Variants in ACBD6 observed in about 807,000 individuals in gnomAD.
ACBD6 encodes the protein acyl-CoA-binding domain-containing protein 6.
A neutral mutation model predicts 37.2 loss-of-function variants in ACBD6; 28 were observed. The observed-to-expected ratio is 0.75, with a 90% CI of 0.56 to 1.03. ACBD6 has a LOEUF of 1.03. Among genes scored for constraint, ACBD6 ranks in the 50% least tolerant of loss-of-function variants. ACBD6 has a pLI of 0.00. For missense variants in ACBD6, 340 were observed against 337.4 expected, an observed-to-expected ratio of 1.01 and a Z score of -0.06; for synonymous variants, 113 against 126.8, an observed-to-expected ratio of 0.89 and a Z score of 0.73.
At chr1:180,355,246 G>T (rs1421700594) in intron 6 of ACBD6, among the ~76,000 whole-genome samples, 1 of 152,144 alleles carries the variant, frequency 6.6e-6, no homozygotes, top group Non-Finnish European at 1.5e-5. Flanking sequence ...ATTTGTAAGT[G>T]GCAGAGTCAG....
intron 6 of ACBD6, among the ~76,000 whole-genome samples, chr1:180,385,651 C>T (rs572393842): frequency 1.1e-4 from 16 of 152,008 alleles, no homozygotes; most frequent in African/African-American, 3.9e-4. Flanking sequence ...GAGATCTCTC[C>T]ATATATGAGC....
intron 6 of ACBD6, among the ~76,000 whole-genome samples, chr1:180,333,942 C>A (rs1223197224): frequency 1.3e-5 from 2 of 152,364 alleles, no homozygotes; most frequent in East Asian, 3.9e-4. Flanking sequence ...TGAGATCAAA[C>A]TGCAAGGCGG....
intron 6 of ACBD6, among the ~76,000 whole-genome samples, chr1:180,353,623 A>T (rs527328408): frequency 6.6e-6 from 1 of 151,928 alleles, no homozygotes. Context: ...GGAGAAATAT[A>T]TTTTAAAATT....
At chr1:180,445,042 G>GA (rs1324413611) in intron 3 of ACBD6, among the ~76,000 whole-genome samples, 3 of 152,134 alleles carry the variant, frequency 2.0e-5, no homozygotes, top group Non-Finnish European at 4.4e-5. Flanking sequence ...AGAATGCTGG[G>GA]AAAATTAATC....
At chr1:180,356,714 G>A (rs532409234) in intron 6 of ACBD6, among the ~76,000 whole-genome samples, 1 of 151,784 alleles carries the variant, frequency 6.6e-6, no homozygotes, top group Non-Finnish European at 1.5e-5. Context: ...CCAGGTTGTG[G>A]TGGTGTGTGC....
At position 180,321,257 on chromosome 1, in the gene ACBD6, T is replaced by C. The variant is rs56209218; in HGVS notation, c.664-6535A>G. The stretch of plus-strand genomic sequence containing the variant: ...CCAGTTTTGTTCTTTTTGCTCAGCA[T>C]AGCTTTGGCTATACTGGGTCTTTTG... On this transcript the variant is annotated intron_variant, in intron 6 of 7. Transcript: ENST00000367595. 4.4e-3 allele frequency among the ~76,000 whole-genome samples: 670 copies of C among 152,328 alleles called. 2 individuals are homozygous for C. Among genetic ancestry groups the C allele is most frequent in the Non-Finnish European group, 7.3e-3 (499 of 68,002 alleles).
chr1:180,288,062 A>G (rs1649560567), downstream of ACBD6, among the ~76,000 whole-genome samples: 3 of 152,334 alleles, frequency 2.0e-5, no homozygotes, highest in African/African-American at 2.4e-5. Context: ...CATGTTTAAT[A>G]TTGTGAAATA....
At chr1:180,431,532 A>T (rs1648812000) in intron 3 of ACBD6, among the ~76,000 whole-genome samples, 2 of 152,212 alleles carry the variant, frequency 1.3e-5, no homozygotes, top group Non-Finnish European at 2.9e-5. Flanking sequence ...ACCAAAAAAA[A>T]GTAGAGATGA....
chr1:180,292,424 T>C (rs1359754383), intron 7 of ACBD6, among the ~76,000 whole-genome samples: 1 of 152,230 alleles, frequency 6.6e-6, no homozygotes, highest in South Asian at 2.1e-4. Flanking sequence ...TTTTTGAGGC[T>C]ACTGCAAATA....
At chr1:180,450,541 G>A (rs1337404481) in intron 3 of ACBD6, among the ~76,000 whole-genome samples, 4 of 152,144 alleles carry the variant, frequency 2.6e-5, no homozygotes, top group African/African-American at 7.2e-5. Flanking sequence ...GGTGGATCAC[G>A]AGGTCAGGAG....
intron 5 of ACBD6, among the ~76,000 whole-genome samples, chr1:180,407,816 T>C (rs1193221982): frequency 6.6e-6 from 1 of 152,202 alleles, no homozygotes; most frequent in African/African-American, 2.4e-5. Flanking sequence ...CTGTAAACTA[T>C]CACATGCATT....
intron 4 of ACBD6, among the ~76,000 whole-genome samples, chr1:180,423,420 A>C (rs371395151): frequency 6.6e-6 from 1 of 152,194 alleles, no homozygotes; most frequent in South Asian, 2.1e-4. Flanking sequence ...CTTCTACTAC[A>C]TAACTATTTT....
chr1:180,339,810 T>C (rs1197824428), intron 6 of ACBD6, among the ~76,000 whole-genome samples: 2 of 150,876 alleles, frequency 1.3e-5, no homozygotes, highest in Admixed American at 1.3e-4. Context: ...CTAAGTAAAA[T>C]ATAGTATACT....
intron 6 of ACBD6, among the ~76,000 whole-genome samples, chr1:180,330,852 G>C (rs1290619615): frequency 6.6e-6 from 1 of 152,206 alleles, no homozygotes; most frequent in African/African-American, 2.4e-5. Flanking sequence ...GATAATATAT[G>C]TGCTCTATCC....
rs200715612 is a variant in ACBD6 at position 180,359,789 on chromosome 1, GT to G, written c.663+37726del. Among the ~76,000 whole-genome samples, 23 of 151,678 alleles carry G rather than the reference GT, an allele frequency of 1.5e-4. No homozygotes were observed. In the East Asian group the frequency reaches 3.9e-3, roughly 26 times the overall value. ...GAATTTCTTCTTGTCAAATAATGGT[GT>G]TTTTTTTGTCTCCTATTTATTTCCA... On this transcript the variant is annotated intron_variant, in intron 6 of 7. Transcript: ENST00000367595.
At chr1:180,332,125 C>G (rs1417933060) in intron 6 of ACBD6, among the ~76,000 whole-genome samples, 1 of 152,152 alleles carries the variant, frequency 6.6e-6, no homozygotes, top group East Asian at 1.9e-4. Context: ...AGGATTCTCC[C>G]CTACAGGTTT....
chr1:180,319,590 A>T (rs1475620891), intron 6 of ACBD6, among the ~76,000 whole-genome samples: 1 of 152,188 alleles, frequency 6.6e-6, no homozygotes, highest in Non-Finnish European at 1.5e-5. Context: ...ATCAAATATT[A>T]GGTCTTAGTC....
At chr1:180,426,479 C>T (rs1271574044) in intron 4 of ACBD6, among the ~76,000 whole-genome samples, 2 of 152,242 alleles carry the variant, frequency 1.3e-5, no homozygotes, top group Non-Finnish European at 1.5e-5. Context: ...TGCCCATCTG[C>T]GGTATAAATG....
chr1:180,330,825 G>C (rs1446364318), intron 6 of ACBD6, among the ~76,000 whole-genome samples: 1 of 152,238 alleles, frequency 6.6e-6, no homozygotes, highest in Non-Finnish European at 1.5e-5. Context: ...TAAACAAGCA[G>C]TTGAACCTAA....
Sources: gnomAD v4.1 joint callset for allele counts (sites outside exome capture counted in the v4.1 genomes callset) on GRCh38, gnomAD v4.1.1 for gene constraint, MANE v1.5 for transcripts, NCBI Gene and HGNC (gene_info 2026-07-23, HGNC 2026-07-21) for gene names.